The following NEDD4L variants were observed in gnomAD, a reference collection of about 807,000 sequenced individuals.
NEDD4L encodes E3 ubiquitin-protein ligase NEDD4-like.
A neutral mutation model predicts 148.9 loss-of-function variants in NEDD4L; 54 were observed. That is an observed-to-expected ratio of 0.36 (90% CI 0.29 to 0.45). The LOEUF is 0.45. Ranked by LOEUF, NEDD4L falls within the 20% of genes least tolerant of loss-of-function variation. NEDD4L has a pLI of 1.00. For synonymous variants in NEDD4L, 433 were observed against 440.7 expected, an observed-to-expected ratio of 0.98 and a Z score of 0.22; for missense variants, 856 against 1,233.8, an observed-to-expected ratio of 0.69 and a Z score of 4.59.
chr18:58,202,582 A>G (rs1201851799), intron 2 of NEDD4L, among the ~76,000 whole-genome samples: 2 of 152,140 alleles, frequency 1.3e-5, no homozygotes, highest in African/African-American at 4.8e-5. Flanking sequence ...TTCCTTTTCA[A>G]CACGTGGATT....
In NEDD4L at chr18:58,357,203, T is replaced by G; in HGVS notation, c.1718T>G (p.Ile573Ser). 1 of 1,609,294 alleles carries G rather than the reference T, an allele frequency of 6.2e-7. No homozygotes were observed. The change falls in exon 19 of 31, where the codon ATT becomes AGT. Residue 573 changes from isoleucine (I) to serine (S), a missense_variant. By Grantham distance (142) the Ile-to-Ser change is moderately radical. Coordinates refer to ENST00000400345, the MANE Select transcript of NEDD4L (RefSeq NM_001144967.3). ...TTTTTAACATTTTCAGATAGCAAAA[T>G]TACTCAGTGGGAAGACCCAAGACTG... ...RTFYIDHNSKITQWEDPRLQN... is the reference protein window; with the variant it reads ...RTFYIDHNSKSTQWEDPRLQN...
chr18:58,230,017 G>C (rs963944086), intron 2 of NEDD4L, among the ~76,000 whole-genome samples: 5 of 152,030 alleles, frequency 3.3e-5, no homozygotes, highest in African/African-American at 1.2e-4. Flanking sequence ...AACAAAAAAG[G>C]AAAGCTTTTT....
intron 1 of NEDD4L, among the ~76,000 whole-genome samples, chr18:58,127,399 C>A (rs1010869078): frequency 6.6e-6 from 1 of 152,158 alleles, no homozygotes; most frequent in Non-Finnish European, 1.5e-5. Flanking sequence ...ATACCTTTGC[C>A]ATTATGATTC....
At chr18:58,377,545 T>C (rs2047722356) in intron 24 of NEDD4L, among the ~76,000 whole-genome samples, 1 of 152,170 alleles carries the variant, frequency 6.6e-6, no homozygotes, top group African/African-American at 2.4e-5. Context: ...TAGGGCCTAA[T>C]ATGAAAGTTT....
chr18:58,125,949 C>T (rs1006327811), intron 1 of NEDD4L, among the ~76,000 whole-genome samples: 1 of 152,256 alleles, frequency 6.6e-6, no homozygotes, highest in Non-Finnish European at 1.5e-5. Flanking sequence ...CCCGGGCATC[C>T]GTCTGCCTGG....
rs576906119 is a variant in NEDD4L at position 58,188,028 on chromosome 18, AG to A, written c.122+22170del. On this transcript the variant is annotated intron_variant, in intron 2 of 30. Coordinates refer to ENST00000400345, the MANE Select transcript of NEDD4L (RefSeq NM_001144967.3). ...TGGTAGGGATGTGAGATGTATTTTG[AG>A]GGCTAAAAGAAAGGAGTTTGAACAA... Among the ~76,000 whole-genome samples, 558 of 152,322 alleles carry A rather than the reference AG, an allele frequency of 3.7e-3. 4 individuals carry two copies. Among genetic ancestry groups the A allele is most frequent in the African/African-American group, 0.013 (530 of 41,572 alleles).
chr18:58,291,057 T>A lies in NEDD4L; in HGVS notation c.298-24925T>A, dbSNP rs115456104. On this transcript the variant is annotated intron_variant, in intron 5 of 30. Coordinates refer to ENST00000400345, the MANE Select transcript of NEDD4L (RefSeq NM_001144967.3). ...AGAGAACCAGGCCGACCGACCCACA[T>A]GGTCACACAGAGAACCAGGCCGACC... is the stretch of plus-strand genomic sequence containing the variant. Among the ~76,000 whole-genome samples the A allele has an allele frequency of 4.9e-3, 686 of 139,658 alleles. 2 individuals are homozygous for A. Among genetic ancestry groups the A allele is most frequent in the African/African-American group, 0.018 (639 of 35,666 alleles). 91.6% of individuals were successfully genotyped at this position (139,658 alleles called of 152,430 possible).
At chr18:58,379,316 A>G (rs977175789) in intron 24 of NEDD4L, among the ~76,000 whole-genome samples, 1 of 152,214 alleles carries the variant, frequency 6.6e-6, no homozygotes, top group Non-Finnish European at 1.5e-5. Flanking sequence ...CGCAGCACCT[A>G]TAGGAGATGC....
chr18:58,053,284 G>C (rs899729934), intron 1 of NEDD4L, among the ~76,000 whole-genome samples: 2 of 151,960 alleles, frequency 1.3e-5, no homozygotes, highest in Admixed American at 1.3e-4. Context: ...TGCATCTCCA[G>C]CTCCTGGTCT....
intron 2 of NEDD4L, among the ~76,000 whole-genome samples, chr18:58,231,766 G>A (rs1056485387): frequency 6.6e-6 from 1 of 152,172 alleles, no homozygotes; most frequent in East Asian, 1.9e-4. Flanking sequence ...GCTTCACCAT[G>A]TTGGCCAGGC....
intron 1 of NEDD4L, among the ~76,000 whole-genome samples, chr18:58,083,665 G>A (rs923973804): frequency 6.8e-6 from 1 of 148,076 alleles, no homozygotes; most frequent in African/African-American, 2.5e-5. Flanking sequence ...TCCAGCCTGG[G>A]CGACAGAGCG....
Position 58,167,570 on chromosome 18 carries a change from A to G in NEDD4L, c.122+1709A>G, listed in dbSNP as rs545990252. Among the ~76,000 whole-genome samples the G allele has an allele frequency of 2.6e-5, 4 of 152,274 alleles. No homozygotes were observed. The South Asian group carries it at 6.2e-4, about 24-fold the overall frequency. ...CCTCTTAGCTGCCACAGTAGGTGCA[A>G]TGTCATTTTAGCTTTTGCAGATGCA... is the stretch of plus-strand genomic sequence containing the variant. On this transcript the variant is annotated intron_variant, in intron 2 of 30. Coordinates refer to ENST00000400345, the MANE Select transcript of NEDD4L (RefSeq NM_001144967.3).
intron 19 of NEDD4L, among the ~76,000 whole-genome samples, chr18:58,361,267 G>A (rs560277579): frequency 5.9e-4 from 90 of 152,226 alleles, no homozygotes; most frequent in African/African-American, 1.9e-3. Context: ...TAGGCCTAGC[G>A]TTTCTACATA....
At chr18:58,243,183 T>C (rs566243328) in intron 2 of NEDD4L, among the ~76,000 whole-genome samples, 1 of 152,330 alleles carries the variant, frequency 6.6e-6, no homozygotes, top group South Asian at 2.1e-4. Context: ...CCGGCAATCA[T>C]GATAGCTGAG....
At chr18:58,116,600 G>T (rs1568238168) in intron 1 of NEDD4L, among the ~76,000 whole-genome samples, 1 of 152,166 alleles carries the variant, frequency 6.6e-6, no homozygotes, top group Admixed American at 6.5e-5. Context: ...GACTCAAGGG[G>T]GTCCAGTAAG....
At chr18:58,219,694 C>T (rs1342244508) in intron 2 of NEDD4L, among the ~76,000 whole-genome samples, 1 of 152,190 alleles carries the variant, frequency 6.6e-6, no homozygotes, top group Non-Finnish European at 1.5e-5. Context: ...GACCCACCTA[C>T]TAACCTCATT....
intron 5 of NEDD4L, among the ~76,000 whole-genome samples, chr18:58,312,742 A>T (rs1251293499): frequency 1.3e-5 from 2 of 152,206 alleles, no homozygotes; most frequent in African/African-American, 4.8e-5. Context: ...TGCAAGTGAC[A>T]TGATCTCAAC....
At chr18:58,233,486 A>C (rs2045512328) in intron 2 of NEDD4L, among the ~76,000 whole-genome samples, 1 of 152,168 alleles carries the variant, frequency 6.6e-6, no homozygotes, top group African/African-American at 2.4e-5. Context: ...ATTCACTATC[A>C]CAAGAATGGG....
rs182151832 is a variant in NEDD4L, at chr18:58,045,256, C to G, written c.48+548C>G. 621 of 397,228 alleles carry G rather than the reference C, an allele frequency of 1.6e-3. 3 individuals are homozygous for G. Among genetic ancestry groups the G allele is most frequent in the African/African-American group, 0.01 (507 of 48,708 alleles). The allele number at this position is 397,228 out of a possible 1,614,324, so 24.6% of individuals were successfully genotyped here. A position where few individuals can be genotyped will look rare whatever the true frequency, so the allele number is the denominator to read the frequency against. ...GACACGCTGCGTGTGTCCCTCCCCT[C>G]GTTTTGCAAAGTCTACGGCCAGGAT... On this transcript the variant is annotated intron_variant, in intron 1 of 30. Coordinates refer to ENST00000400345, the MANE Select transcript of NEDD4L (RefSeq NM_001144967.3).
Sources: gnomAD v4.1 joint callset for allele counts (sites outside exome capture counted in the v4.1 genomes callset) on GRCh38, gnomAD v4.1.1 for gene constraint, MANE v1.5 for transcripts, NCBI Gene and HGNC (gene_info 2026-07-23, HGNC 2026-07-21) for gene names.